The following CEP63 variants were observed in gnomAD, a reference collection of about 807,000 sequenced individuals.
CEP63 encodes the protein centrosomal protein of 63 kDa.
In CEP63, 84 loss-of-function variants were observed where a neutral mutation model predicts 89.1. The observed-to-expected ratio is 0.94, with a 90% confidence interval of 0.79 to 1.13. The LOEUF is 1.13. Among genes scored for constraint, CEP63 ranks in the 50% most tolerant of loss-of-function variants. The pLI is 0.00. For synonymous variants in CEP63, 267 were observed against 272.5 expected, an observed-to-expected ratio of 0.98 and a Z score of 0.20; for missense variants, 838 against 813.3, an observed-to-expected ratio of 1.03 and a Z score of -0.37.
At chr3:134,742,679 C>A in the CEP63 span, among the ~76,000 whole-genome samples, 4 of 152,158 alleles carry the variant, frequency 2.6e-5, no homozygotes, top group African/African-American at 9.7e-5. Flanking sequence ...GAAGGTGGGG[C>A]CTTAACATAG....
intron 1 of CEP63, 90 bp downstream of exon 1, chr3:134,486,292 G>T (rs1483698670): frequency 1.0e-6 from 1 of 985,454 alleles, no homozygotes; most frequent in African/African-American, 1.7e-5. Context: ...CCGTGTCCTG[G>T]TCTGGAGGCG....
chr3:134,618,978 T>A, the CEP63 span, among the ~76,000 whole-genome samples: 1 of 152,222 alleles, frequency 6.6e-6, no homozygotes, highest in Non-Finnish European at 1.5e-5. Context: ...AAGTCAATTA[T>A]GCTGGTGTTA....
chr3:134,699,524 C>T, the CEP63 span, among the ~76,000 whole-genome samples: 1 of 152,212 alleles, frequency 6.6e-6, no homozygotes, highest in South Asian at 2.1e-4. Context: ...CTGAAGCATA[C>T]AGGACAGACT....
At chr3:134,756,402 G>A in the CEP63 span, among the ~76,000 whole-genome samples, 1 of 152,192 alleles carries the variant, frequency 6.6e-6, no homozygotes, top group African/African-American at 2.4e-5. Context: ...GGAATGCAGT[G>A]ATATGATTAC....
At chr3:134,500,403 T>G (rs1020799944) in intron 2 of CEP63, among the ~76,000 whole-genome samples, 1 of 150,036 alleles carries the variant, frequency 6.7e-6, no homozygotes, top group African/African-American at 2.5e-5. Flanking sequence ...GATGAACATG[T>G]GAGCGCATGT....
chr3:134,752,826 A>C, the CEP63 span, among the ~76,000 whole-genome samples: 1 of 152,090 alleles, frequency 6.6e-6, no homozygotes, highest in Non-Finnish European at 1.5e-5. Flanking sequence ...GCCTATGGCC[A>C]CACTGGACCC....
chr3:134,641,538 G>A, the CEP63 span, among the ~76,000 whole-genome samples: 2 of 152,136 alleles, frequency 1.3e-5, no homozygotes, highest in African/African-American at 2.4e-5. Flanking sequence ...AGGAATGAAT[G>A]CACCCCTAGA....
At chr3:134,686,582 AC>A in the CEP63 span, among the ~76,000 whole-genome samples, 3,697 of 152,324 alleles carry the variant, frequency 0.024, 122 homozygotes, top group African/African-American at 0.083. Context: ...TCCACTGTCC[AC>A]AGCGGACATA....
chr3:134,533,186 C>T (rs1192790918), intron 5 of CEP63, among the ~76,000 whole-genome samples: 4 of 152,124 alleles, frequency 2.6e-5, no homozygotes. Context: ...AATGACTGAG[C>T]TTAATAAAAC....
At chr3:134,781,589 C>G in the CEP63 span, among the ~76,000 whole-genome samples, 1 of 152,208 alleles carries the variant, frequency 6.6e-6, no homozygotes, top group Non-Finnish European at 1.5e-5. Context: ...CATTTGTACA[C>G]CAAGCCTCAT....
chr3:134,779,263 A>G, the CEP63 span, among the ~76,000 whole-genome samples: 1 of 152,198 alleles, frequency 6.6e-6, no homozygotes, highest in African/African-American at 2.4e-5. Context: ...TCAGCTGAAT[A>G]TTGTCTTAGA....
the CEP63 span, among the ~76,000 whole-genome samples, chr3:134,636,216 T>A: frequency 4.0e-3 from 616 of 152,310 alleles, 3 homozygotes; most frequent in African/African-American, 0.014. Context: ...TTGGCAAAAT[T>A]TTCTTATGAA....
intron 10 of CEP63, among the ~76,000 whole-genome samples, chr3:134,585,076 CTCT>C (rs759608627): frequency 6.6e-6 from 1 of 150,686 alleles, no homozygotes; most frequent in Non-Finnish European, 1.5e-5. Context: ...TTTGATTCCT[CTCT>C]TCTTCTTTAT....
the CEP63 span, among the ~76,000 whole-genome samples, chr3:134,729,970 G>A: frequency 6.6e-6 from 1 of 152,276 alleles, no homozygotes; most frequent in East Asian, 1.9e-4. Context: ...TTGCAAAAAA[G>A]GAATGATGAG....
At chr3:134,529,487 C>T (rs896146331) in intron 3 of CEP63, among the ~76,000 whole-genome samples, 2 of 151,706 alleles carry the variant, frequency 1.3e-5, no homozygotes, top group African/African-American at 4.8e-5. Context: ...ATTACAGGCA[C>T]CTGCCACCAG....
At chr3:134,726,740 C>T in the CEP63 span, among the ~76,000 whole-genome samples, 4 of 152,058 alleles carry the variant, frequency 2.6e-5, no homozygotes, top group Non-Finnish European at 4.4e-5. Context: ...TTCACCCACA[C>T]GACATAATTT....
intron 2 of CEP63, among the ~76,000 whole-genome samples, chr3:134,501,735 C>T (rs1374405036): frequency 1.3e-5 from 2 of 152,092 alleles, no homozygotes; most frequent in African/African-American, 2.4e-5. Context: ...TTTGGTAAAT[C>T]TTTAGGGTTT....
chr3:134,691,637 G>T, the CEP63 span, among the ~76,000 whole-genome samples: 13 of 151,938 alleles, frequency 8.6e-5, no homozygotes. Context: ...ATATTTCTCA[G>T]TTCATTAAAA....
chr3:134,519,271 G>C (rs527405918), intron 3 of CEP63, among the ~76,000 whole-genome samples: 3 of 151,408 alleles, frequency 2.0e-5, no homozygotes, highest in African/African-American at 7.3e-5. Context: ...CTGCAGGTGC[G>C]CACCACCATG....
Sources: allele counts gnomAD v4.1 joint callset (sites outside exome capture counted in the v4.1 genomes callset), GRCh38; gene constraint gnomAD v4.1.1; transcripts MANE v1.5; gene names NCBI Gene and HGNC (gene_info 2026-07-23, HGNC 2026-07-21).